ADAMTS19: variants seen among roughly 807,000 people sequenced by gnomAD.
The protein encoded by ADAMTS19 is ADAM metallopeptidase with thrombospondin type 1 motif 19, also known as A disintegrin and metalloproteinase with thrombospondin motifs 19.
Under a neutral mutation model 153.3 loss-of-function variants are expected in ADAMTS19, and 93 were observed. That is an observed-to-expected ratio of 0.61 (90% CI 0.51 to 0.72). The LOEUF is 0.72. Ranked by LOEUF, ADAMTS19 falls within the 30% of genes least tolerant of loss-of-function variation. The probability of loss-of-function intolerance (pLI) is 0.00; values close to 1 mark genes in which losing one functional copy is unlikely to be tolerated. For missense variants in ADAMTS19, 1,482 were observed against 1,552.1 expected, an observed-to-expected ratio of 0.95 and a Z score of 0.76; for synonymous variants, 600 against 556.6, an observed-to-expected ratio of 1.08 and a Z score of -1.10.
At chr5:129,572,389 TA>T (rs1436123723) in intron 7 of ADAMTS19, among the ~76,000 whole-genome samples, 1 of 151,940 alleles carries the variant, frequency 6.6e-6, no homozygotes, top group African/African-American at 2.4e-5. Flanking sequence ...AATATGCACT[TA>T]ACATATGACC....
intron 3 of ADAMTS19, 85 bp from the exon 4 acceptor site, chr5:129,526,199 T>A (rs2126762104): frequency 8.5e-7 from 1 of 1,170,888 alleles, no homozygotes; most frequent in African/African-American, 1.6e-5. Flanking sequence ...GGAACTTATT[T>A]GGGTTTGCTC....
rs185426185 is a variant in ADAMTS19, at chr5:129,661,451, C to T, written c.2425+2714C>T. Among the ~76,000 whole-genome samples the T allele has an allele frequency of 2.5e-4, 38 of 152,232 alleles. No homozygotes were observed. The East Asian group carries it at 7.0e-3, about 28-fold the overall frequency. The stretch of plus-strand genomic sequence containing the variant: ...TATTTCTCTTGAGACAATTTTATCC[C>T]TACAGTTATGTACTTCCTAGAATTT... On this transcript the variant is annotated intron_variant, in intron 15 of 22. Transcript: ENST00000274487.
rs965252101 is a variant in ADAMTS19 at position 129,738,498 on chromosome 5, A to G, written c.*1280A>G. On this transcript the variant is annotated 3_prime_UTR_variant, in exon 23 of 23. Transcript: ENST00000274487. Reference sequence around the variant, plus strand: ...GCAAAGGGCAAACATACTTCTCATTATAAAAGTTTCAGGTTCCCTAAAATT... The same window carrying G: ...GCAAAGGGCAAACATACTTCTCATTGTAAAAGTTTCAGGTTCCCTAAAATT... The G allele has an allele frequency of 6.6e-6, 1 of 152,040 alleles. No homozygotes were observed. The highest frequency in any genetic ancestry group is 6.6e-5 in the Admixed American group (1 of 15,230). The allele number at this position is 152,040 out of a possible 1,614,324, so 9.4% of individuals were successfully genotyped here. A position where few individuals can be genotyped will look rare whatever the true frequency, so the allele number is the denominator to read the frequency against.
At chr5:129,579,095 C>T (rs1183457283) in intron 7 of ADAMTS19, among the ~76,000 whole-genome samples, 1 of 152,190 alleles carries the variant, frequency 6.6e-6, no homozygotes, top group Non-Finnish European at 1.5e-5. Flanking sequence ...ACATCCTCTC[C>T]AGCATCTCTT....
chr5:129,698,424 G>A lies in ADAMTS19; in HGVS notation c.2955-2964G>A, dbSNP rs1021792017. Among the ~76,000 whole-genome samples the A allele has an allele frequency of 4.6e-5, 7 of 152,060 alleles. No homozygotes were observed. In the South Asian group the frequency reaches 8.3e-4, roughly 18 times the overall value. Reference sequence around the variant, plus strand: ...TATTGAGAAAGTCACTAAATGGCCCGATGGCATTCTATGGGTGAAATATAA... The same window carrying A: ...TATTGAGAAAGTCACTAAATGGCCCAATGGCATTCTATGGGTGAAATATAA... On this transcript the variant is annotated intron_variant, in intron 19 of 22. Coordinates refer to ENST00000274487, the MANE Select transcript of ADAMTS19 (RefSeq NM_133638.6).
chr5:129,615,275 C>G (rs915850260), intron 8 of ADAMTS19, among the ~76,000 whole-genome samples: 1 of 151,910 alleles, frequency 6.6e-6, no homozygotes, highest in Non-Finnish European at 1.5e-5. Context: ...TGGAAAGGAA[C>G]TATACAAAAG....
intron 8 of ADAMTS19, among the ~76,000 whole-genome samples, chr5:129,613,531 A>C (rs1478656315): frequency 6.6e-6 from 1 of 152,192 alleles, no homozygotes; most frequent in African/African-American, 2.4e-5. Context: ...GACACATTTA[A>C]AGCAGTGTGT....
At chr5:129,702,245 C>T (rs1755901751) in intron 20 of ADAMTS19, among the ~76,000 whole-genome samples, 1 of 152,102 alleles carries the variant, frequency 6.6e-6, no homozygotes, top group Non-Finnish European at 1.5e-5. Context: ...TGATATATAT[C>T]TTTGCGTAAT....
chr5:129,532,376 A>G lies in ADAMTS19; in HGVS notation c.1328+3699A>G, dbSNP rs187714630. On this transcript the variant is annotated intron_variant, in intron 6 of 22. Transcript: ENST00000274487. The stretch of plus-strand genomic sequence containing the variant: ...ATAAGCATATAAAGAGATACTCAAC[A>G]TCATTAGTACTCAGGAAAATGCAAA... 3.3e-5 allele frequency among the ~76,000 whole-genome samples: 5 copies of G among 152,268 alleles called. No individual in the cohort carries two copies. The East Asian group carries it at 9.7e-4, about 29-fold the overall frequency.
chr5:129,721,205 C>T (rs1485263309), intron 21 of ADAMTS19, among the ~76,000 whole-genome samples: 2 of 152,028 alleles, frequency 1.3e-5, no homozygotes, highest in Non-Finnish European at 2.9e-5. Flanking sequence ...TAGTGGTGTT[C>T]ATATAAACTA....
At chr5:129,639,161 G>A (rs957342463) in intron 10 of ADAMTS19, among the ~76,000 whole-genome samples, 15 of 152,046 alleles carry the variant, frequency 9.9e-5, no homozygotes, top group African/African-American at 3.4e-4. Flanking sequence ...CAGCAACTAA[G>A]TTGAAAAAAA....
rs1755858443 is a variant in ADAMTS19 at position 129,701,599 on chromosome 5, A to G, written c.3159+7A>G. On this transcript the variant is annotated splice_region_variant and intron_variant, in intron 20 of 22. Transcript: ENST00000274487. ...GGCGGGAGTGTGGTCTGAGGTGCAT[A>G]CATGCCCCCTTTCTTTCCCCATTCC... The G allele has an allele frequency of 1.2e-6, 2 of 1,613,368 alleles. No individual in the cohort carries two copies. The highest frequency in any genetic ancestry group is 1.7e-6 in the Non-Finnish European group (2 of 1,179,488).
chr5:129,673,386 A>G (rs771537688), intron 16 of ADAMTS19, among the ~76,000 whole-genome samples: 4 of 152,214 alleles, frequency 2.6e-5, no homozygotes, highest in Non-Finnish European at 5.9e-5. Flanking sequence ...TCATATTAGC[A>G]CCATGATTTC....
intron 15 of ADAMTS19, among the ~76,000 whole-genome samples, chr5:129,660,759 A>T (rs1316762004): frequency 6.6e-6 from 1 of 152,182 alleles, no homozygotes. Context: ...AAGATACTAC[A>T]AATATTAAAG....
At chr5:129,519,135 G>A (rs988340187) in intron 3 of ADAMTS19, among the ~76,000 whole-genome samples, 1 of 152,076 alleles carries the variant, frequency 6.6e-6, no homozygotes, top group African/African-American at 2.4e-5. Flanking sequence ...CAAAGTCCTC[G>A]ATGTAGTACC....
chr5:129,539,119 C>T (rs967785748), intron 6 of ADAMTS19, among the ~76,000 whole-genome samples: 10 of 152,054 alleles, frequency 6.6e-5, no homozygotes, highest in African/African-American at 2.4e-4. Context: ...AATAATGTCC[C>T]TCCTCCCCAA....
At chr5:129,665,362 T>TAA in intron 15 of ADAMTS19, 137 bp from the exon 16 acceptor site, 1 of 561,450 alleles carries the variant, frequency 1.8e-6, no homozygotes. Context: ...CTTTTATATA[T>TAA]AAAAATTTTT....
At chr5:129,619,801 G>T (rs1751694539) in intron 8 of ADAMTS19, among the ~76,000 whole-genome samples, 1 of 151,958 alleles carries the variant, frequency 6.6e-6, no homozygotes, top group Admixed American at 6.6e-5. Context: ...ACACTTAGAA[G>T]GTAGAGTTGG....
intron 10 of ADAMTS19, among the ~76,000 whole-genome samples, chr5:129,638,052 C>CA (rs1392120615): frequency 1.3e-5 from 2 of 152,166 alleles, no homozygotes; most frequent in East Asian, 3.9e-4. Context: ...ATAATCTGTT[C>CA]AGTAACCCCC....
Sources: allele counts gnomAD v4.1 joint callset (sites outside exome capture counted in the v4.1 genomes callset), GRCh38; gene constraint gnomAD v4.1.1; transcripts MANE v1.5; gene names NCBI Gene and HGNC (gene_info 2026-07-23, HGNC 2026-07-21).